The following ATP8A2 variants were observed in gnomAD, a reference collection of about 807,000 sequenced individuals.
ATP8A2 encodes phospholipid-transporting ATPase IB.
A neutral mutation model predicts 165.6 loss-of-function variants in ATP8A2; 100 were observed. The observed-to-expected ratio is 0.60, with a 90% CI of 0.51 to 0.71. The LOEUF is 0.71. Among genes scored for constraint, ATP8A2 ranks in the 30% least tolerant of loss-of-function variants. The pLI is 0.00. For missense variants in ATP8A2, 1,227 were observed against 1,479.5 expected, an observed-to-expected ratio of 0.83 and a Z score of 2.80; for synonymous variants, 543 against 548.8, an observed-to-expected ratio of 0.99 and a Z score of 0.15.
intron 33 of ATP8A2, among the ~76,000 whole-genome samples, chr13:25,912,885 G>A (rs1954160170): frequency 6.6e-6 from 1 of 152,172 alleles, no homozygotes; most frequent in African/African-American, 2.4e-5. Context: ...ATCTGAGAAG[G>A]AGGTGTTTGT....
intron 25 of ATP8A2, among the ~76,000 whole-genome samples, chr13:25,726,168 T>C (rs1203592624): frequency 6.6e-6 from 1 of 152,198 alleles, no homozygotes; most frequent in Non-Finnish European, 1.5e-5. Context: ...ATTTTCTAAT[T>C]TGTGTCAAGC....
intron 25 of ATP8A2, among the ~76,000 whole-genome samples, chr13:25,717,727 G>T (rs1180182503): frequency 6.6e-6 from 1 of 152,184 alleles, no homozygotes; most frequent in African/African-American, 2.4e-5. Context: ...TATAATGAAT[G>T]GCTGTCCTTT....
At position 25,786,754 on chromosome 13, in the gene ATP8A2, G is replaced by GATTTTTTTTTTTTTT. The variant is rs58430501; in HGVS notation, c.2679+11795_2679+11796insATTTTTTTTTTTTTT. On this transcript the variant is annotated intron_variant, in intron 27 of 36. Coordinates refer to ENST00000381655, the MANE Select transcript of ATP8A2 (RefSeq NM_016529.6). ...AACCCTTTTTAATGCACAATTCTAT[G>GATTTTTTTTTTTTTT]TTTTTTTTTTTTTTTTTTTGAGACA... 1.5e-5 allele frequency among the ~76,000 whole-genome samples: 2 copies of GATTTTTTTTTTTTTT among 134,644 alleles called. 1 individual carries two copies. The highest frequency in any genetic ancestry group is 3.1e-5 in the Non-Finnish European group (2 of 63,706). The allele number at this position is 134,644 out of a possible 152,430, so 88.3% of individuals were successfully genotyped here. A position where few individuals can be genotyped will look rare whatever the true frequency, so the allele number is the denominator to read the frequency against.
intron 24 of ATP8A2, among the ~76,000 whole-genome samples, chr13:25,651,968 A>C (rs895784338): frequency 3.9e-5 from 6 of 152,140 alleles, no homozygotes; most frequent in African/African-American, 1.4e-4. Context: ...TTTTAACATT[A>C]GTTTTATTTG....
chr13:25,648,685 A>C (rs1593132895), intron 24 of ATP8A2, among the ~76,000 whole-genome samples: 1 of 152,184 alleles, frequency 6.6e-6, no homozygotes, highest in Non-Finnish European at 1.5e-5. Flanking sequence ...AAACAAAACA[A>C]AAATGGAATA....
chr13:25,641,182 T>A (rs934235681), intron 24 of ATP8A2, among the ~76,000 whole-genome samples: 1 of 152,206 alleles, frequency 6.6e-6, no homozygotes, highest in Non-Finnish European at 1.5e-5. Context: ...GCATTCCCTT[T>A]GAAAACTGGC....
chr13:25,394,720 G>C (rs1249133080), intron 1 of ATP8A2, among the ~76,000 whole-genome samples: 1 of 152,184 alleles, frequency 6.6e-6, no homozygotes, highest in African/African-American at 2.4e-5. Flanking sequence ...AAAAAAAAAG[G>C]CTTACTGTCC....
In ATP8A2 at chr13:25,953,360, T is replaced by C. The variant is rs545829225; in HGVS notation, c.3184-8215T>C. Among the ~76,000 whole-genome samples the C allele has an allele frequency of 1.4e-4, 21 of 151,570 alleles. No homozygotes were observed. The highest frequency in any genetic ancestry group is 5.1e-4 in the African/African-American group (21 of 41,348). ...GGACGGGGGGGATTAAATAAAATGCTTTATGGGAAGTTCTGGCACAGAGTG... is the reference window on the plus strand; with the variant it reads ...GGACGGGGGGGATTAAATAAAATGCCTTATGGGAAGTTCTGGCACAGAGTG... On this transcript the variant is annotated intron_variant, in intron 33 of 36. Coordinates refer to ENST00000381655, the MANE Select transcript of ATP8A2 (RefSeq NM_016529.6). This position sits in a 1 kb window ranked among gnomAD's most constrained non-coding sequence, Gnocchi z 6.7.
chr13:25,972,963 C>G (rs1410094684), intron 35 of ATP8A2, among the ~76,000 whole-genome samples: 1 of 152,074 alleles, frequency 6.6e-6, no homozygotes, highest in African/African-American at 2.4e-5. Context: ...TTGAAAACAT[C>G]TAGTTTTTGA....
At chr13:25,692,825 A>G (rs2042754623) in intron 24 of ATP8A2, among the ~76,000 whole-genome samples, 2 of 152,246 alleles carry the variant, frequency 1.3e-5, no homozygotes, top group African/African-American at 4.8e-5. Context: ...AAAACTGGGG[A>G]AAAAGGTAGG....
At chr13:25,432,474 G>A (rs1051415109) in intron 1 of ATP8A2, among the ~76,000 whole-genome samples, 4 of 152,156 alleles carry the variant, frequency 2.6e-5, no homozygotes, top group East Asian at 1.9e-4. Context: ...GCATAAACAC[G>A]GAGTGAGCGT....
In ATP8A2 at chr13:26,020,674, C is replaced by T. The variant is rs138967477; in HGVS notation, c.*689C>T. On this transcript the variant is annotated 3_prime_UTR_variant, in exon 37 of 37. Coordinates refer to ENST00000381655, the MANE Select transcript of ATP8A2 (RefSeq NM_016529.6). ...GTCCTGCCGCCGTGTCCAGGCGCCC[C>T]TCACCCCCACACCTGCTGCATGGCT... 301 of 153,272 alleles carry T rather than the reference C, an allele frequency of 2.0e-3. 5 individuals are homozygous for T. The highest frequency in any genetic ancestry group is 4.7e-3 in the South Asian group (23 of 4,844). The allele number at this position is 153,272 out of a possible 1,614,324, so 9.5% of individuals were successfully genotyped here. A position where few individuals can be genotyped will look rare whatever the true frequency, so the allele number is the denominator to read the frequency against.
chr13:25,675,934 A>G lies in ATP8A2; in HGVS notation c.2212-23239A>G, dbSNP rs545331127. 3.3e-4 allele frequency among the ~76,000 whole-genome samples: 51 copies of G among 152,340 alleles called. 1 individual carries two copies. The highest frequency in any genetic ancestry group is 1.1e-3 in the African/African-American group (47 of 41,586). On this transcript the variant is annotated intron_variant, in intron 24 of 36. Transcript: ENST00000381655. ...ACATAATTAAATTATTTTTACAATC[A>G]TATATTAATAGAAATGAAAAATACT...
chr13:26,012,671 G>T, intron 36 of ATP8A2, 49 bp downstream of exon 36: 4 of 1,338,234 alleles, frequency 3.0e-6, no homozygotes, highest in Non-Finnish European at 3.9e-6. Flanking sequence ...TCGGTGCGGG[G>T]CGGGGGTTGA....
At chr13:25,909,371 A>C (rs1954038818) in intron 33 of ATP8A2, among the ~76,000 whole-genome samples, 1 of 152,244 alleles carries the variant, frequency 6.6e-6, no homozygotes, top group African/African-American at 2.4e-5. Flanking sequence ...ATATGTACCA[A>C]AACATCACAT....
chr13:25,461,443 T>C (rs568894609), intron 1 of ATP8A2, among the ~76,000 whole-genome samples: 2 of 152,212 alleles, frequency 1.3e-5, no homozygotes, highest in African/African-American at 2.4e-5. Context: ...GTAGAGGCCA[T>C]AGTTGAACTT....
chr13:25,630,415 T>A (rs945649142), intron 24 of ATP8A2, among the ~76,000 whole-genome samples: 15 of 152,208 alleles, frequency 9.9e-5, no homozygotes, highest in Non-Finnish European at 2.2e-4. Context: ...CCCTTTTCCA[T>A]GCGACAGCAT....
intron 35 of ATP8A2, among the ~76,000 whole-genome samples, chr13:25,998,620 T>C (rs1387990870): frequency 1.3e-5 from 2 of 152,226 alleles, no homozygotes; most frequent in African/African-American, 2.4e-5. Flanking sequence ...GAAAACCTTG[T>C]CTGGGACAGA....
intron 33 of ATP8A2, among the ~76,000 whole-genome samples, chr13:25,931,950 A>T (rs1360436083): frequency 6.6e-6 from 1 of 151,748 alleles, no homozygotes; most frequent in African/African-American, 2.4e-5. Flanking sequence ...TGGGAGGCCG[A>T]GGCAGGAGAA....
Sources: gnomAD v4.1 joint callset for allele counts (sites outside exome capture counted in the v4.1 genomes callset) on GRCh38, gnomAD v4.1.1 for gene constraint, Gnocchi (gnomAD v3.1) non-coding constraint, MANE v1.5 for transcripts, NCBI Gene and HGNC (gene_info 2026-07-23, HGNC 2026-07-21) for gene names.